CCDC71L: variants seen among roughly 807,000 people sequenced by gnomAD.
CCDC71L encodes coiled-coil domain-containing protein 71L.
Under a neutral mutation model 10.2 loss-of-function variants are expected in CCDC71L, and 6 were observed. The observed-to-expected ratio is 0.59, with a 90% CI of 0.32 to 1.16. CCDC71L has a LOEUF of 1.16. Ranked by LOEUF, CCDC71L falls within the 50% of genes most tolerant of loss-of-function variation. CCDC71L has a pLI of 0.05. For synonymous variants in CCDC71L, 204 were observed against 175.5 expected (o/e 1.16, Z -1.28); for missense variants, 366 against 383.4 (o/e 0.95, Z 0.38).
rs1163342073 is a variant in CCDC71L at position 106,659,251 on chromosome 7, T to C, written c.*938A>G. The C allele has an allele frequency of 6.6e-6, 1 of 152,252 alleles. No individual in the cohort carries two copies. The highest frequency in any genetic ancestry group is 2.1e-4 in the South Asian group (1 of 4,830). 9.4% of individuals were successfully genotyped at this position (152,252 alleles called of 1,614,324 possible). On this transcript the variant is annotated 3_prime_UTR_variant, in exon 1 of 1. Transcript: ENST00000523505. Reference sequence around the variant, plus strand: ...TTAACGCATAATATTCCTAGATTTGTATGTTAGACCAGGACAGGGGGCCAA... The same window carrying C: ...TTAACGCATAATATTCCTAGATTTGCATGTTAGACCAGGACAGGGGGCCAA...
In CCDC71L at chr7:106,660,621, G is replaced by A; in HGVS notation, c.276C>T (p.Ile92=). 2 of 1,589,420 alleles carry A rather than the reference G, an allele frequency of 1.3e-6. No individual in the cohort carries two copies. The highest frequency in any genetic ancestry group is 1.7e-6 in the Non-Finnish European group (2 of 1,168,548). The change falls in exon 1 of 1, where the codon ATC becomes ATT. Residue 92 remains isoleucine (I), a synonymous_variant. Coordinates refer to ENST00000523505, the MANE Select transcript of CCDC71L (RefSeq NM_175884.6). The surrounding 1 kb of genome is among the most constrained non-coding windows in gnomAD (Gnocchi z 7.5). ...AGCCGTAGACGTCCTTGCTGCGCAG[G>A]ATGTGCGGGGAGAACTGGTGCTTGA... ...CSLKHQFSPH[I]LRSKDVYGYS...
rs1390815000 is a variant in CCDC71L, at chr7:106,656,743, AATC to A, written c.*3443_*3445del. On this transcript the variant is annotated 3_prime_UTR_variant, in exon 1 of 1. Coordinates refer to ENST00000523505, the MANE Select transcript of CCDC71L (RefSeq NM_175884.6). ...CAAAATACCATTTCAAAAATGTTCAAATCATTAGAAAAACTAGACACTATGTAT... is the reference window on the plus strand; with the variant it reads ...CAAAATACCATTTCAAAAATGTTCAAATTAGAAAAACTAGACACTATGTAT... The A allele has an allele frequency of 6.6e-6, 1 of 152,202 alleles. No homozygotes were observed. The highest frequency in any genetic ancestry group is 2.4e-5 in the African/African-American group (1 of 41,456). The allele number at this position is 152,202 out of a possible 1,614,324, so 9.4% of individuals were successfully genotyped here.
In CCDC71L at chr7:106,660,049, A is replaced by G; in HGVS notation, c.*140T>C. 8.4e-7 allele frequency: 1 copy of G among 1,187,118 alleles called. No homozygotes were observed. The highest frequency in any genetic ancestry group is 3.2e-5 in the East Asian group (1 of 31,294). The allele number at this position is 1,187,118 out of a possible 1,614,324, so 73.5% of individuals were successfully genotyped here. A position where few individuals can be genotyped will look rare whatever the true frequency, so the allele number is the denominator to read the frequency against. ...CCCGGGACAGGGACAACCATCCGGC[A>G]ACTTCTTCGCGCGTAAAGTGCATTG... On this transcript the variant is annotated 3_prime_UTR_variant, in exon 1 of 1. Transcript: ENST00000523505. This position sits in a 1 kb window ranked among gnomAD's most constrained non-coding sequence, Gnocchi z 7.5.
chr7:106,660,906 C>T lies in CCDC71L; in HGVS notation c.-10G>A, dbSNP rs1489154155. 8 of 1,362,454 alleles carry T rather than the reference C, an allele frequency of 5.9e-6. No individual in the cohort carries two copies. In the African/African-American group the frequency reaches 1.1e-4, roughly 18 times the overall value. 84.4% of individuals were successfully genotyped at this position (1,362,454 alleles called of 1,614,324 possible). On this transcript the variant is annotated 5_prime_UTR_variant, in exon 1 of 1. Transcript: ENST00000523505. The surrounding 1 kb of genome is among the most constrained non-coding windows in gnomAD (Gnocchi z 7.5). ...TCATACTGCGCCGCATCGAAGGCCG[C>T]TCCGGGCCACTCACGCTCGCCGGGT...
Position 106,660,576 on chromosome 7 carries a change from C to A in CCDC71L, c.321G>T (p.Leu107=), listed in dbSNP as rs770065862. Residue 107 remains leucine, a synonymous_variant, in exon 1 of 1, where the codon CTG becomes CTT. Coordinates refer to ENST00000523505, the MANE Select transcript of CCDC71L (RefSeq NM_175884.6). The surrounding 1 kb of genome is among the most constrained non-coding windows in gnomAD (Gnocchi z 7.5). The part of the protein sequence containing the change: ...DVYGYSSCRA[L]VPDPPGPPTA... The stretch of plus-strand genomic sequence containing the variant: ...TAGGGGGCCCCGGGGGGTCGGGTAC[C>A]AGGGCCCGGCAGGAGGAGTAGCCGT... The A allele has an allele frequency of 3.9e-6, 6 of 1,551,382 alleles. No homozygotes were observed. The highest frequency in any genetic ancestry group is 4.3e-6 in the Non-Finnish European group (5 of 1,150,392).
In CCDC71L at chr7:106,661,073, G is replaced by C. The variant is rs1211415691; in HGVS notation, c.-177C>G. On this transcript the variant is annotated 5_prime_UTR_variant, in exon 1 of 1. Transcript: ENST00000523505. ...ACGCGGGCGAATATCCTGCTGCCCGGTACAAGATGGCGGCCGGCGCCCACC... is the reference window on the plus strand; with the variant it reads ...ACGCGGGCGAATATCCTGCTGCCCGCTACAAGATGGCGGCCGGCGCCCACC... 13 of 933,204 alleles carry C rather than the reference G, an allele frequency of 1.4e-5. No homozygotes were observed. Among genetic ancestry groups the C allele is most frequent in the Non-Finnish European group, 1.9e-5 (13 of 697,676 alleles). The allele number at this position is 933,204 out of a possible 1,614,324, so 57.8% of individuals were successfully genotyped here. A position where few individuals can be genotyped will look rare whatever the true frequency, so the allele number is the denominator to read the frequency against.
In CCDC71L at chr7:106,656,688, T is replaced by C. The variant is rs142195582; in HGVS notation, c.*3501A>G. The C allele has an allele frequency of 8.3e-4, 127 of 152,162 alleles. No individual in the cohort carries two copies. Among genetic ancestry groups the C allele is most frequent in the African/African-American group, 2.9e-3 (122 of 41,522 alleles). 9.4% of individuals were successfully genotyped at this position (152,162 alleles called of 1,614,324 possible). ...AAGTCAAAATTTATCAAATTGTAAA[T>C]TAAGATGTTTTCTGAGTCACATACA... On this transcript the variant is annotated 3_prime_UTR_variant, in exon 1 of 1. Coordinates refer to ENST00000523505, the MANE Select transcript of CCDC71L (RefSeq NM_175884.6).
rs1182642568 is a variant in CCDC71L at position 106,657,040 on chromosome 7, G to C, written c.*3149C>G. ...AAACTTTTGAGTTCAAAATTGCTCAGATATTTTGTATTCAAATATTTTTAA... is the reference window on the plus strand; with the variant it reads ...AAACTTTTGAGTTCAAAATTGCTCACATATTTTGTATTCAAATATTTTTAA... On this transcript the variant is annotated 3_prime_UTR_variant, in exon 1 of 1. Coordinates refer to ENST00000523505, the MANE Select transcript of CCDC71L (RefSeq NM_175884.6). The C allele has an allele frequency of 6.6e-6, 1 of 152,164 alleles. No homozygotes were observed. Among genetic ancestry groups the C allele is most frequent in the East Asian group, 1.9e-4 (1 of 5,202 alleles). 9.4% of individuals were successfully genotyped at this position (152,164 alleles called of 1,614,324 possible).
At position 106,660,013 on chromosome 7, in the gene CCDC71L, C is replaced by G; in HGVS notation, c.*176G>C. On this transcript the variant is annotated 3_prime_UTR_variant, in exon 1 of 1. Transcript: ENST00000523505. This position sits in a 1 kb window ranked among gnomAD's most constrained non-coding sequence, Gnocchi z 7.5. ...ACACCTGCCCCAGCGTCCAAGACGA[C>G]CGCGCCGCGGCCCGGGACAGGGACA... 1 of 917,092 alleles carries G rather than the reference C, an allele frequency of 1.1e-6. No individual in the cohort carries two copies. The highest frequency in any genetic ancestry group is 1.8e-5 in the African/African-American group (1 of 56,814). The allele number at this position is 917,092 out of a possible 1,614,324, so 56.8% of individuals were successfully genotyped here.
In CCDC71L at chr7:106,657,492, A is replaced by G. The variant is rs1375070238; in HGVS notation, c.*2697T>C. On this transcript the variant is annotated 3_prime_UTR_variant, in exon 1 of 1. Transcript: ENST00000523505. ...ATGAGATTTCTTTCAAAAACTATAC[A>G]CAAGCTAAGCTACAGACTTCACTTC... The G allele has an allele frequency of 6.6e-6, 1 of 152,184 alleles. No individual in the cohort carries two copies. The highest frequency in any genetic ancestry group is 1.5e-5 in the Non-Finnish European group (1 of 68,018). 9.4% of individuals were successfully genotyped at this position (152,184 alleles called of 1,614,324 possible). A position where few individuals can be genotyped will look rare whatever the true frequency, so the allele number is the denominator to read the frequency against.
chr7:106,656,995 G>A lies in CCDC71L; in HGVS notation c.*3194C>T, dbSNP rs546173541. The A allele has an allele frequency of 1.3e-5, 2 of 152,196 alleles. No individual in the cohort carries two copies. The highest frequency in any genetic ancestry group is 3.9e-4 in the East Asian group (2 of 5,182). The allele number at this position is 152,196 out of a possible 1,614,324, so 9.4% of individuals were successfully genotyped here. A position where few individuals can be genotyped will look rare whatever the true frequency, so the allele number is the denominator to read the frequency against. ...TTAAAAACCATTAAAGAGTCCTGTG[G>A]CAATCCTTAAAACAATGAAAAACTT... On this transcript the variant is annotated 3_prime_UTR_variant, in exon 1 of 1. Transcript: ENST00000523505.
In CCDC71L at chr7:106,659,972, G is replaced by C. The variant is rs569567998; in HGVS notation, c.*217C>G. ...CCCCTCCCTCCGCAGGCCGGGTACGGGAGGCAGCAGAGGGCACACCTGCCC... is the reference window on the plus strand; with the variant it reads ...CCCCTCCCTCCGCAGGCCGGGTACGCGAGGCAGCAGAGGGCACACCTGCCC... On this transcript the variant is annotated 3_prime_UTR_variant, in exon 1 of 1. Coordinates refer to ENST00000523505, the MANE Select transcript of CCDC71L (RefSeq NM_175884.6). 14 of 592,922 alleles carry C rather than the reference G, an allele frequency of 2.4e-5. No homozygotes were observed. In the East Asian group the frequency reaches 4.9e-4, roughly 21 times the overall value. The allele number at this position is 592,922 out of a possible 1,614,324, so 36.7% of individuals were successfully genotyped here.
rs778707476 is a variant in CCDC71L, at chr7:106,660,558, C to T, written c.339G>A (p.Gly113=). Residue 113 remains glycine, a synonymous_variant, in exon 1 of 1, where the codon GGG becomes GGA. Coordinates refer to ENST00000523505, the MANE Select transcript of CCDC71L (RefSeq NM_175884.6). The surrounding 1 kb of genome is among the most constrained non-coding windows in gnomAD (Gnocchi z 7.5). ...GCGCCTGGCCGCGGGCTGTAGGGGG[C>T]CCCGGGGGGTCGGGTACCAGGGCCC... ...SCRALVPDPP[G]PPTARGQARR... is the part of the protein sequence containing the mutation. 2 of 1,524,014 alleles carry T rather than the reference C, an allele frequency of 1.3e-6. No homozygotes were observed. Among genetic ancestry groups the T allele is most frequent in the African/African-American group, 1.4e-5 (1 of 70,084 alleles). The allele number at this position is 1,524,014 out of a possible 1,614,324, so 94.4% of individuals were successfully genotyped here.
At position 106,660,927 on chromosome 7, in the gene CCDC71L, C is replaced by T. The variant is rs916743409; in HGVS notation, c.-31G>A. 1.9e-5 allele frequency: 26 copies of T among 1,337,388 alleles called. No individual in the cohort carries two copies. In the East Asian group the frequency reaches 5.9e-4, roughly 30 times the overall value. 82.8% of individuals were successfully genotyped at this position (1,337,388 alleles called of 1,614,324 possible). A position where few individuals can be genotyped will look rare whatever the true frequency, so the allele number is the denominator to read the frequency against. On this transcript the variant is annotated 5_prime_UTR_variant, in exon 1 of 1. Transcript: ENST00000523505. The surrounding 1 kb of genome is among the most constrained non-coding windows in gnomAD (Gnocchi z 7.5). ...GCCGCTCCGGGCCACTCACGCTCGCCGGGTCCCACTACTGCCGCCGCCGTC... is the reference window on the plus strand; with the variant it reads ...GCCGCTCCGGGCCACTCACGCTCGCTGGGTCCCACTACTGCCGCCGCCGTC...
At position 106,660,831 on chromosome 7, in the gene CCDC71L, G is replaced by A. The variant is rs1460001520; in HGVS notation, c.66C>T (p.Gly22=). The A allele has an allele frequency of 9.2e-6, 14 of 1,526,722 alleles. No homozygotes were observed. The highest frequency in any genetic ancestry group is 2.6e-5 in the East Asian group (1 of 38,244). The allele number at this position is 1,526,722 out of a possible 1,614,324, so 94.6% of individuals were successfully genotyped here. A position where few individuals can be genotyped will look rare whatever the true frequency, so the allele number is the denominator to read the frequency against. The change falls in exon 1 of 1, where the codon GGC becomes GGT. Residue 22 remains glycine, a synonymous_variant. Transcript: ENST00000523505. The surrounding 1 kb of genome is among the most constrained non-coding windows in gnomAD (Gnocchi z 7.5). ...RPVAPATAAR[G]GDFRAEDGAG... is the part of the protein sequence containing the mutation. ...CCCCGTCTTCTGCCCTAAAGTCGCCGCCCCGGGCGGCCGTGGCCGGGGCGA... is the reference window on the plus strand; with the variant it reads ...CCCCGTCTTCTGCCCTAAAGTCGCCACCCCGGGCGGCCGTGGCCGGGGCGA...
Position 106,661,046 on chromosome 7 carries a change from G to C in CCDC71L, c.-150C>G. ...CCGCCCCTCCCCCTCCGAGGGCGGA[G>C]GACGCGGGCGAATATCCTGCTGCCC... On this transcript the variant is annotated 5_prime_UTR_variant, in exon 1 of 1. Coordinates refer to ENST00000523505, the MANE Select transcript of CCDC71L (RefSeq NM_175884.6). The C allele has an allele frequency of 8.6e-7, 1 of 1,164,340 alleles. No individual in the cohort carries two copies. Among genetic ancestry groups the C allele is most frequent in the Non-Finnish European group, 1.1e-6 (1 of 903,538 alleles). The allele number at this position is 1,164,340 out of a possible 1,614,324, so 72.1% of individuals were successfully genotyped here.
rs1267962436 is a variant in CCDC71L, at chr7:106,656,869, T to C, written c.*3320A>G. The stretch of plus-strand genomic sequence containing the variant: ...ACATCAAACTGTCCAGGGAAACACT[T>C]TGATTCCATTACAAACAATTGTTTT... On this transcript the variant is annotated 3_prime_UTR_variant, in exon 1 of 1. Coordinates refer to ENST00000523505, the MANE Select transcript of CCDC71L (RefSeq NM_175884.6). 1 of 152,192 alleles carries C rather than the reference T, an allele frequency of 6.6e-6. No individual in the cohort carries two copies. Among genetic ancestry groups the C allele is most frequent in the Non-Finnish European group, 1.5e-5 (1 of 68,018 alleles). The allele number at this position is 152,192 out of a possible 1,614,324, so 9.4% of individuals were successfully genotyped here.
chr7:106,660,098 T>C lies in CCDC71L; in HGVS notation c.*91A>G. ...TGGGGGCCGGGGTCCTGGCCGGATC[T>C]GTAAACACTCGACTGACACTTGTTC... is the stretch of plus-strand genomic sequence containing the variant. On this transcript the variant is annotated 3_prime_UTR_variant, in exon 1 of 1. Coordinates refer to ENST00000523505, the MANE Select transcript of CCDC71L (RefSeq NM_175884.6). The surrounding 1 kb of genome is among the most constrained non-coding windows in gnomAD (Gnocchi z 7.5). 7.2e-7 allele frequency: 1 copy of C among 1,385,916 alleles called. No individual in the cohort carries two copies. The highest frequency in any genetic ancestry group is 9.3e-7 in the Non-Finnish European group (1 of 1,072,548). The allele number at this position is 1,385,916 out of a possible 1,614,324, so 85.9% of individuals were successfully genotyped here. A position where few individuals can be genotyped will look rare whatever the true frequency, so the allele number is the denominator to read the frequency against.
Position 106,660,029 on chromosome 7 carries a change from G to C in CCDC71L, c.*160C>G. 1 of 1,041,724 alleles carries C rather than the reference G, an allele frequency of 9.6e-7. No homozygotes were observed. The highest frequency in any genetic ancestry group is 1.3e-6 in the Non-Finnish European group (1 of 771,272). 64.5% of individuals were successfully genotyped at this position (1,041,724 alleles called of 1,614,324 possible). On this transcript the variant is annotated 3_prime_UTR_variant, in exon 1 of 1. Coordinates refer to ENST00000523505, the MANE Select transcript of CCDC71L (RefSeq NM_175884.6). This position sits in a 1 kb window ranked among gnomAD's most constrained non-coding sequence, Gnocchi z 7.5. ...CCAAGACGACCGCGCCGCGGCCCGGGACAGGGACAACCATCCGGCAACTTC... is the reference window on the plus strand; with the variant it reads ...CCAAGACGACCGCGCCGCGGCCCGGCACAGGGACAACCATCCGGCAACTTC...
Sources: allele counts gnomAD v4.1 joint callset, GRCh38; gene constraint gnomAD v4.1.1; non-coding constraint Gnocchi (gnomAD v3.1); transcripts MANE v1.5; gene names NCBI Gene and HGNC (gene_info 2026-07-23, HGNC 2026-07-21).